Variants in NRG3 observed in about 807,000 individuals in gnomAD.
The protein encoded by NRG3 is neuregulin 3, also known as pro-neuregulin-3, membrane-bound isoform.
In NRG3, 31 loss-of-function variants were observed where a neutral mutation model predicts 66.9. That is an observed-to-expected ratio of 0.46 (90% CI 0.35 to 0.63). The LOEUF (loss-of-function observed/expected upper bound fraction) is 0.63. Ranked by LOEUF, NRG3 falls within the 20% of genes least tolerant of loss-of-function variation. NRG3 has a pLI of 0.00. For synonymous variants in NRG3, 393 were observed against 359.4 expected (o/e 1.09, Z -1.06); for missense variants, 910 against 878.9 (o/e 1.04, Z -0.45).
At chr10:82,291,083 A>G (rs2079717217) in intron 1 of NRG3, among the ~76,000 whole-genome samples, 1 of 152,110 alleles carries the variant, frequency 6.6e-6, no homozygotes, top group African/African-American at 2.4e-5. Context: ...GAACCATAAT[A>G]TATATAAAGA....
chr10:82,969,811 G>A (rs181471698), intron 6 of NRG3, among the ~76,000 whole-genome samples: 98 of 152,174 alleles, frequency 6.4e-4, no homozygotes, highest in African/African-American at 2.0e-3. Flanking sequence ...AAGTAATTGC[G>A]TGAGAAACAC....
At chr10:82,473,429 G>A (rs1841460833) in intron 2 of NRG3, among the ~76,000 whole-genome samples, 1 of 152,168 alleles carries the variant, frequency 6.6e-6, no homozygotes, top group Admixed American at 6.5e-5. Context: ...ACAGACTGGT[G>A]TCAGCAAGAT....
At chr10:82,895,854 C>A (rs1406318197) in intron 4 of NRG3, among the ~76,000 whole-genome samples, 1 of 152,150 alleles carries the variant, frequency 6.6e-6, no homozygotes, top group Non-Finnish European at 1.5e-5. Flanking sequence ...GTTTGAGTCA[C>A]CAGTCTGCTG....
intron 3 of NRG3, among the ~76,000 whole-genome samples, chr10:82,759,182 C>CTG (rs1053526216): frequency 1.3e-5 from 2 of 151,704 alleles, no homozygotes; most frequent in Non-Finnish European, 2.9e-5. Flanking sequence ...CTTGGTCTCT[C>CTG]TCTCTCTCTC....
At chr10:82,594,402 G>T (rs983086) in intron 2 of NRG3, among the ~76,000 whole-genome samples, 68,757 of 151,894 alleles carry the variant, frequency 0.45, 17,227 homozygotes, top group African/African-American at 0.65. Flanking sequence ...AGGCATTGTT[G>T]CCATAACAAG....
chr10:82,490,825 A>G (rs2132243854), intron 2 of NRG3, among the ~76,000 whole-genome samples: 1 of 152,194 alleles, frequency 6.6e-6, no homozygotes, highest in Non-Finnish European at 1.5e-5. Context: ...ACTGATCCAA[A>G]CCATTATCAT....
At chr10:82,808,252 T>C (rs1160032458) in intron 3 of NRG3, among the ~76,000 whole-genome samples, 3 of 151,452 alleles carry the variant, frequency 2.0e-5, no homozygotes, top group African/African-American at 7.3e-5. Context: ...CACCTTAGAG[T>C]TTCTCCTTTC....
At chr10:82,686,230 C>A (rs951344051) in intron 2 of NRG3, among the ~76,000 whole-genome samples, 1 of 150,546 alleles carries the variant, frequency 6.6e-6, no homozygotes, top group South Asian at 2.1e-4. Flanking sequence ...TCTTGTTGCC[C>A]TGGCTGGAGT....
chr10:81,899,148 C>A (rs117494955), intron 1 of NRG3, among the ~76,000 whole-genome samples: 2 of 152,062 alleles, frequency 1.3e-5, no homozygotes, highest in African/African-American at 4.8e-5. Context: ...TTTAAAACTC[C>A]GATTCTCCAA....
chr10:82,629,203 C>A (rs1454820861), intron 2 of NRG3, among the ~76,000 whole-genome samples: 1 of 152,042 alleles, frequency 6.6e-6, no homozygotes, highest in Non-Finnish European at 1.5e-5. Flanking sequence ...ATCCAATAAA[C>A]CTGTAAAATT....
At chr10:82,902,393 G>T (rs1844315366) in intron 4 of NRG3, among the ~76,000 whole-genome samples, 1 of 151,912 alleles carries the variant, frequency 6.6e-6, no homozygotes, top group Non-Finnish European at 1.5e-5. Context: ...TTTTTTGAAA[G>T]GCATATTTAA....
At chr10:82,211,489 G>A (rs1380408767) in intron 1 of NRG3, among the ~76,000 whole-genome samples, 1 of 152,054 alleles carries the variant, frequency 6.6e-6, no homozygotes, top group African/African-American at 2.4e-5. Context: ...CTGGGGAGTC[G>A]AAAGGCATCC....
At chr10:82,124,120 G>C (rs2068272214) in intron 1 of NRG3, among the ~76,000 whole-genome samples, 2 of 151,980 alleles carry the variant, frequency 1.3e-5, no homozygotes, top group African/African-American at 4.8e-5. Flanking sequence ...TTTTATCTTT[G>C]AGATTATATT....
Position 82,919,096 on chromosome 10 carries a change from T to TGTGTGC in NRG3, c.1055-32369_1055-32368insGCGTGT, listed in dbSNP as rs1198329719. Among the ~76,000 whole-genome samples the TGTGTGC allele has an allele frequency of 1.5e-4, 19 of 127,228 alleles. 1 individual carries two copies. Among genetic ancestry groups the TGTGTGC allele is most frequent in the African/African-American group, 6.2e-4 (19 of 30,560 alleles). The allele number at this position is 127,228 out of a possible 152,430, so 83.5% of individuals were successfully genotyped here. ...GTGTGTGTGTGTGTGTGTGTGTGTGTGTGTATGTGTGTGTGTTCCTATTAC... is the reference window on the plus strand; with the variant it reads ...GTGTGTGTGTGTGTGTGTGTGTGTGTGTGTGCGTGTATGTGTGTGTGTTCCTATTAC... On this transcript the variant is annotated intron_variant, in intron 4 of 8. Coordinates refer to ENST00000372141, the MANE Select transcript of NRG3 (RefSeq NM_001010848.4).
At chr10:82,171,671 T>C (rs1205566241) in intron 1 of NRG3, among the ~76,000 whole-genome samples, 1 of 152,094 alleles carries the variant, frequency 6.6e-6, no homozygotes, top group Non-Finnish European at 1.5e-5. Flanking sequence ...AATTCATGGT[T>C]CCAGGAACTC....
intron 1 of NRG3, among the ~76,000 whole-genome samples, chr10:82,337,014 G>T (rs2082425987): frequency 6.6e-6 from 1 of 151,958 alleles, no homozygotes; most frequent in Non-Finnish European, 1.5e-5. Context: ...TTTCTCAAAT[G>T]GTTTGCAAAG....
intron 2 of NRG3, among the ~76,000 whole-genome samples, chr10:82,388,346 T>C (rs2086143385): frequency 6.6e-6 from 1 of 152,120 alleles, no homozygotes; most frequent in Admixed American, 6.6e-5. Flanking sequence ...GAGAATGTAT[T>C]TGCTTGTGTA....
chr10:82,792,158 AT>A lies in NRG3; in HGVS notation c.1027+53516del, dbSNP rs139835641. On this transcript the variant is annotated intron_variant, in intron 3 of 8. Transcript: ENST00000372141. ...TTTCTAGAGTTCTTAAAAAAAGTTG[AT>A]TTTTTTTACAAATGTTACCTATCTT... Among the ~76,000 whole-genome samples, 5 of 151,920 alleles carry A rather than the reference AT, an allele frequency of 3.3e-5. No homozygotes were observed. In the South Asian group the frequency reaches 6.2e-4, roughly 19 times the overall value.
chr10:82,865,460 T>C (rs759185982), intron 4 of NRG3, 23 bp downstream of exon 4: 2 of 1,610,086 alleles, frequency 1.2e-6, no homozygotes, highest in African/African-American at 1.3e-5. Flanking sequence ...AATTTGCTCA[T>C]TTAATATCCT....
Sources: allele counts gnomAD v4.1 joint callset (sites outside exome capture counted in the v4.1 genomes callset), GRCh38; gene constraint gnomAD v4.1.1; transcripts MANE v1.5; gene names NCBI Gene and HGNC (gene_info 2026-07-23, HGNC 2026-07-21).